CDON: variants seen among roughly 807,000 people sequenced by gnomAD.
CDON encodes cell adhesion molecule-related/down-regulated by oncogenes.
CDON carries 73 observed loss-of-function variants against 120.9 expected under a neutral mutation model. The observed-to-expected ratio is 0.60, with a 90% CI of 0.50 to 0.73. The LOEUF is 0.73. Among genes scored for constraint, CDON ranks in the 30% least tolerant of loss-of-function variants. The pLI is 0.00. For missense variants in CDON, 1,470 were observed against 1,587.3 expected, an observed-to-expected ratio of 0.93 and a Z score of 1.26; for synonymous variants, 566 against 573.5, an observed-to-expected ratio of 0.99 and a Z score of 0.19.
At chr11:126,001,307 C>T (rs1009889707) in intron 11 of CDON, among the ~76,000 whole-genome samples, 1 of 151,818 alleles carries the variant, frequency 6.6e-6, no homozygotes, top group African/African-American at 2.4e-5. Flanking sequence ...CCCACCTTGG[C>T]CTCCTGAGTA....
At position 125,960,721 on chromosome 11, in the gene CDON, C is replaced by A. The variant is rs962703325; in HGVS notation, c.*221G>T. The A allele has an allele frequency of 8.9e-6, 5 of 559,840 alleles. No homozygotes were observed. The highest frequency in any genetic ancestry group is 7.6e-5 in the African/African-American group (4 of 52,922). 34.7% of individuals were successfully genotyped at this position (559,840 alleles called of 1,614,324 possible). On this transcript the variant is annotated 3_prime_UTR_variant, in exon 20 of 20. Coordinates refer to ENST00000531738, the MANE Select transcript of CDON (RefSeq NM_001378964.1). ...AATACTATGCAAAACAAGGTTGTTTCCTACCGAGGGGGAGGAAGGAATGGG... is the reference window on the plus strand; with the variant it reads ...AATACTATGCAAAACAAGGTTGTTTACTACCGAGGGGGAGGAAGGAATGGG...
chr11:125,967,733 C>T (rs1157570989), intron 18 of CDON, among the ~76,000 whole-genome samples: 1 of 152,170 alleles, frequency 6.6e-6, no homozygotes, highest in African/African-American at 2.4e-5. Context: ...ACCTCCCTGG[C>T]TCATGTGATC....
At chr11:126,038,916 G>T (rs1948177682) in intron 1 of CDON, among the ~76,000 whole-genome samples, 1 of 152,092 alleles carries the variant, frequency 6.6e-6, no homozygotes, top group Non-Finnish European at 1.5e-5. Flanking sequence ...CAGCCTCGGG[G>T]TGCAAATAAA....
chr11:125,971,406 A>ATTAAT (rs757429723), intron 18 of CDON, among the ~76,000 whole-genome samples: 4,387 of 149,406 alleles, frequency 0.029, 186 homozygotes, highest in African/African-American at 0.1. Context: ...AAATAAATAA[A>ATTAAT]TAAATAATAA....
intron 1 of CDON, among the ~76,000 whole-genome samples, chr11:126,037,026 T>A (rs1460304065): frequency 6.6e-6 from 1 of 152,172 alleles, no homozygotes; most frequent in Non-Finnish European, 1.5e-5. Flanking sequence ...ATATAACTAA[T>A]TTGAGTCTGA....
At position 126,023,461 on chromosome 11, in the gene CDON, C is replaced by T; in HGVS notation, c.16G>A (p.Gly6Arg). MHPDL[G>R]PLCTLLYVTL... is the part of the protein sequence containing the mutation. ...ACATACAGCAGTGTACATAAGGGTC[C>T]AAGATCCGGATGCATAGCGCCAGAT... is the stretch of plus-strand genomic sequence containing the variant. The change falls in exon 2 of 20, where the codon GGA becomes AGA. Residue 6 changes from glycine (G) to arginine (R), a missense_variant. Coordinates refer to ENST00000531738, the MANE Select transcript of CDON (RefSeq NM_001378964.1). 1 of 1,612,848 alleles carries T rather than the reference C, an allele frequency of 6.2e-7. No homozygotes were observed. The highest frequency in any genetic ancestry group is 2.2e-5 in the East Asian group (1 of 44,878).
At chr11:125,985,680 T>A (rs1946440196) in intron 15 of CDON, among the ~76,000 whole-genome samples, 1 of 152,156 alleles carries the variant, frequency 6.6e-6, no homozygotes, top group African/African-American at 2.4e-5. Context: ...AGCAGCTTTT[T>A]AAAAATCTAC....
At chr11:126,040,185 G>A (rs1458540791) in intron 1 of CDON, among the ~76,000 whole-genome samples, 2 of 152,110 alleles carry the variant, frequency 1.3e-5, no homozygotes, top group Non-Finnish European at 2.9e-5. Flanking sequence ...GGGGGTATAT[G>A]GGATATCCCT....
chr11:125,996,699 CAAAAAAAAAAA>C (rs71048761), intron 12 of CDON, among the ~76,000 whole-genome samples: 2 of 53,348 alleles, frequency 3.7e-5, no homozygotes, highest in African/African-American at 7.9e-5. Flanking sequence ...GACTCCATCT[CAAAAAAAAAAA>C]AAAAAAAAAA....
rs768877366 is a variant in CDON, at chr11:126,001,811, G to A, written c.2066C>T (p.Pro689Leu). 6.2e-7 allele frequency: 1 copy of A among 1,610,492 alleles called. No individual in the cohort carries two copies. Among genetic ancestry groups the A allele is most frequent in the South Asian group, 1.1e-5 (1 of 91,002 alleles). The part of the protein sequence containing the change: ...ASSKNTQASS[P>L]PVGIPKYPVV... ...GGGATACTTAGGGATGCCCACGGGT[G>A]GAGAGGATGCCTGGGTGTTTTTTGA... is the stretch of plus-strand genomic sequence containing the variant. The change falls in exon 11 of 20, where the codon CCA (proline) becomes CTA (leucine). Residue 689 changes from proline to leucine, a missense_variant. By Grantham distance (98) the Pro-to-Leu change is moderately conservative (BLOSUM62 -3). Transcript: ENST00000531738.
intron 1 of CDON, among the ~76,000 whole-genome samples, chr11:126,056,104 T>C (rs116435621): frequency 0.015 from 2,237 of 152,302 alleles, 54 homozygotes; most frequent in African/African-American, 0.051. Context: ...TGGTTCAATG[T>C]TGCACCCAAG....
chr11:126,027,501 T>TGTGTGTGTATATATACATGCAAATGC, intron 1 of CDON, among the ~76,000 whole-genome samples: 1 of 152,232 alleles, frequency 6.6e-6, no homozygotes, highest in Admixed American at 6.5e-5. Flanking sequence ...TTTATTCATA[T>TGTGTGTGTATATATACATGCAAATGC]GTGTGTGTAT....
At chr11:126,047,889 T>TG in intron 1 of CDON, among the ~76,000 whole-genome samples, 1 of 152,346 alleles carries the variant, frequency 6.6e-6, no homozygotes, top group Admixed American at 6.5e-5. Context: ...AAATTCTACA[T>TG]GCTACGTTTA....
intron 15 of CDON, among the ~76,000 whole-genome samples, chr11:125,985,585 C>T (rs981981056): frequency 1.3e-5 from 2 of 152,182 alleles, no homozygotes; most frequent in Non-Finnish European, 2.9e-5. Flanking sequence ...GAGCCTGGCT[C>T]AGAGTGGTGG....
chr11:126,017,499 T>C, intron 5 of CDON, 124 bp from the exon 6 acceptor site: 1 of 926,082 alleles, frequency 1.1e-6, no homozygotes, highest in Non-Finnish European at 1.7e-6. Context: ...TATTTGGTGG[T>C]TAAATCCTTT....
At chr11:125,991,367 A>C (rs1420951511) in intron 14 of CDON, among the ~76,000 whole-genome samples, 2 of 152,242 alleles carry the variant, frequency 1.3e-5, no homozygotes, top group Admixed American at 1.3e-4. Context: ...TTCCCAAAGG[A>C]TATTTTAGAA....
chr11:126,048,079 C>T (rs191741718), intron 1 of CDON, among the ~76,000 whole-genome samples: 159 of 152,112 alleles, frequency 1.0e-3, no homozygotes, highest in African/African-American at 3.7e-3. Context: ...AAGTTCAAGA[C>T]CAGCCTGGCC....
At chr11:126,014,458 T>G (rs1947400460) in intron 7 of CDON, among the ~76,000 whole-genome samples, 1 of 152,200 alleles carries the variant, frequency 6.6e-6, no homozygotes, top group Non-Finnish European at 1.5e-5. Context: ...AGTTAAGTAT[T>G]GCTGGTGGGA....
intron 18 of CDON, among the ~76,000 whole-genome samples, chr11:125,974,552 A>C (rs1946102413): frequency 6.6e-6 from 1 of 151,556 alleles, no homozygotes; most frequent in African/African-American, 2.4e-5. Flanking sequence ...TCTTATAAAA[A>C]GAATGTCTAA....
Sources: allele counts gnomAD v4.1 joint callset (sites outside exome capture counted in the v4.1 genomes callset), GRCh38; gene constraint gnomAD v4.1.1; transcripts MANE v1.5; gene names NCBI Gene and HGNC (gene_info 2026-07-23, HGNC 2026-07-21).